Variants in ZNF254 observed in about 807,000 individuals in gnomAD.
The protein encoded by ZNF254 is CTD-2017D11.1.
In ZNF254, 10 loss-of-function variants were observed where a neutral mutation model predicts 12.4. The ratio of observed to expected loss-of-function variants is 0.80; its 90% CI spans 0.50 to 1.36. The LOEUF (loss-of-function observed/expected upper bound fraction) is 1.36, where lower values mean the gene tolerates loss of function less well. Among genes scored for constraint, ZNF254 ranks in the 40% most tolerant of loss-of-function variants. The pLI is 0.00. For missense variants in ZNF254, 996 were observed against 763.9 expected, an observed-to-expected ratio of 1.30 and a Z score of -3.58; for synonymous variants, 305 against 253.4, an observed-to-expected ratio of 1.20 and a Z score of -1.93.
At chr19:24,033,920 G>T (rs948830603) in intron 1 of ZNF254, among the ~76,000 whole-genome samples, 3 of 152,226 alleles carry the variant, frequency 2.0e-5, no homozygotes, top group Non-Finnish European at 4.4e-5. Context: ...CTTGGTGTGT[G>T]CGTGGCAGGA....
chr19:24,112,572 C>T (rs1042941636), intron 3 of ZNF254, among the ~76,000 whole-genome samples: 1 of 150,410 alleles, frequency 6.6e-6, no homozygotes, highest in African/African-American at 2.5e-5. Flanking sequence ...TTGATTCTTC[C>T]TACCCATGAG....
intron 2 of ZNF254, chr19:24,049,314 C>A (rs1970558721): frequency 1.3e-5 from 2 of 149,076 alleles, no homozygotes; most frequent in African/African-American, 5.0e-5. Context: ...TCAAAGTATC[C>A]TCCCGCCTTG....
At chr19:24,101,323 T>C (rs144432081) in intron 1 of ZNF254, among the ~76,000 whole-genome samples, 249 of 152,336 alleles carry the variant, frequency 1.6e-3, no homozygotes, top group African/African-American at 5.2e-3. Flanking sequence ...GGTCCTACTT[T>C]AGATTGAGAA....
At chr19:24,086,166 C>T (rs1163920972), upstream of ZNF254, among the ~76,000 whole-genome samples, 1 of 152,008 alleles carries the variant, frequency 6.6e-6, no homozygotes, top group African/African-American at 2.4e-5. Context: ...AAGATGGCGC[C>T]ACTGTACTCC....
At chr19:24,118,880 G>A (rs1198925009) in intron 3 of ZNF254, among the ~76,000 whole-genome samples, 1 of 152,078 alleles carries the variant, frequency 6.6e-6, no homozygotes, top group Non-Finnish European at 1.5e-5. Context: ...GGGGGGCTGA[G>A]TGGGGTGGAT....
intron 2 of ZNF254, among the ~76,000 whole-genome samples, chr19:24,047,694 CT>C (rs1049320475): frequency 1.1e-5 from 1 of 90,440 alleles, no homozygotes. Flanking sequence ...TTTTTCTTTT[CT>C]TTTTTTTTGG....
chr19:24,052,881 G>T (rs1268643060), intron 2 of ZNF254, among the ~76,000 whole-genome samples: 2 of 152,182 alleles, frequency 1.3e-5, no homozygotes. Context: ...CTCATAGCCA[G>T]GGTCAGGAAA....
rs759154962 is a variant in ZNF254, at chr19:24,127,774, C to T, written c.1774C>T (p.His592Tyr). 2.3e-5 allele frequency: 37 copies of T among 1,612,288 alleles called. 1 individual carries two copies. In the Admixed American group the frequency reaches 6.2e-4, roughly 27 times the overall value. Reference protein sequence around the residue: ...SFNRSSTFTKHKVIHTGVKPY... With the variant: ...SFNRSSTFTKYKVIHTGVKPY... ...TAACCGGTCTTCAACTTTTACTAAA[C>T]ATAAGGTAATTCATACTGGAGTAAA... Residue 592 changes from histidine to tyrosine, a missense_variant, in exon 4 of 4, where the codon CAT becomes TAT. By Grantham distance (83) the His-to-Tyr change is moderately conservative (BLOSUM62 2). Coordinates refer to ENST00000357002, the MANE Select transcript of ZNF254 (RefSeq NM_203282.4).
At chr19:24,054,571 T>C (rs145908509) in intron 2 of ZNF254, among the ~76,000 whole-genome samples, 112 of 152,308 alleles carry the variant, frequency 7.4e-4, no homozygotes, top group African/African-American at 2.5e-3. Flanking sequence ...TTGTTTCTTA[T>C]ATGCACACCT....
At position 24,100,387 on chromosome 19, in the gene ZNF254, T is replaced by A. The variant is rs1285754229; in HGVS notation, c.31-5553T>A. The stretch of plus-strand genomic sequence containing the variant: ...AATTCTAAATCTAGGTCTTGAAATT[T>A]GAAAAAAAAAAAAAAAAAATCCAAA... On this transcript the variant is annotated intron_variant, in intron 1 of 3. Coordinates refer to ENST00000357002, the MANE Select transcript of ZNF254 (RefSeq NM_203282.4). Among the ~76,000 whole-genome samples, 699 of 145,120 alleles carry A rather than the reference T, an allele frequency of 4.8e-3. 9 individuals carry two copies. The highest frequency in any genetic ancestry group is 0.017 in the African/African-American group (668 of 39,106).
chr19:24,117,274 T>A (rs1974148642), intron 3 of ZNF254, among the ~76,000 whole-genome samples: 2 of 151,908 alleles, frequency 1.3e-5, no homozygotes. Flanking sequence ...GCTGTCTTGT[T>A]TGTCTGTGCC....
intron 2 of ZNF254, chr19:24,063,789 T>G (rs938314746): frequency 1.3e-5 from 2 of 151,948 alleles, no homozygotes; most frequent in Non-Finnish European, 2.9e-5. Context: ...TACTTTTTTT[T>G]TTTTTTTGCT....
intron 2 of ZNF254, among the ~76,000 whole-genome samples, chr19:24,061,251 C>T (rs1337101115): frequency 6.6e-6 from 1 of 152,096 alleles, no homozygotes; most frequent in Non-Finnish European, 1.5e-5. Flanking sequence ...GATGTGACTC[C>T]TCTCTGATCC....
At chr19:24,081,205 T>C (rs558404348) in intron 2 of ZNF254, among the ~76,000 whole-genome samples, 1 of 152,286 alleles carries the variant, frequency 6.6e-6, no homozygotes, top group South Asian at 2.1e-4. Context: ...ATAGATGCCA[T>C]TTTACATAAT....
intron 3 of ZNF254, chr19:24,106,944 A>AGATCT: frequency 2.4e-6 from 1 of 418,590 alleles, no homozygotes; most frequent in Non-Finnish European, 4.2e-6. Flanking sequence ...GTGGACAGAC[A>AGATCT]GATCTGTCTC....
upstream of ZNF254, among the ~76,000 whole-genome samples, chr19:24,083,100 ATCAAT>A (rs1276983139): frequency 6.6e-6 from 1 of 152,312 alleles, no homozygotes; most frequent in African/African-American, 2.4e-5. Flanking sequence ...TCTAGATCTG[ATCAAT>A]TCAGTAAAGT....
At chr19:24,124,777 T>G (rs1367006364) in intron 3 of ZNF254, among the ~76,000 whole-genome samples, 1 of 151,488 alleles carries the variant, frequency 6.6e-6, no homozygotes, top group Non-Finnish European at 1.5e-5. Context: ...CTTTTTCTTT[T>G]TTTTTTTTGG....
chr19:24,126,959 A>G lies in ZNF254; in HGVS notation c.959A>G (p.Lys320Arg). 1 of 1,613,602 alleles carries G rather than the reference A, an allele frequency of 6.2e-7. No individual in the cohort carries two copies. The highest frequency in any genetic ancestry group is 2.2e-5 in the East Asian group (1 of 44,790). ...TEHKKIHTRKKPYKCEECGKA... is the reference protein window; with the variant it reads ...TEHKKIHTRKRPYKCEECGKA... The stretch of plus-strand genomic sequence containing the variant: ...CATAAGAAAATTCATACTAGAAAGA[A>G]ACCCTACAAGTGTGAAGAATGTGGC... The change falls in exon 4 of 4, where the codon AAA becomes AGA. Residue 320 changes from lysine to arginine, a missense_variant. Transcript: ENST00000357002.
intron 3 of ZNF254, among the ~76,000 whole-genome samples, chr19:24,122,046 G>T (rs1974518433): frequency 6.6e-6 from 1 of 152,034 alleles, no homozygotes; most frequent in African/African-American, 2.4e-5. Context: ...CCATAACTCT[G>T]TATCTCTTTT....
Sources: gnomAD v4.1 joint callset for allele counts (sites outside exome capture counted in the v4.1 genomes callset) on GRCh38, gnomAD v4.1.1 for gene constraint, MANE v1.5 for transcripts, NCBI Gene and HGNC (gene_info 2026-07-23, HGNC 2026-07-21) for gene names.